The following STX12 variants were observed in gnomAD, a reference collection of about 807,000 sequenced individuals.
STX12 encodes the protein syntaxin-12.
A neutral mutation model predicts 42.2 loss-of-function variants in STX12; 17 were observed. The observed-to-expected ratio is 0.40, with a 90% CI of 0.28 to 0.60. STX12 has a LOEUF of 0.60. STX12 is among the 20% of genes least tolerant of loss of function. The pLI is 0.39. For synonymous variants in STX12, 108 were observed against 116.7 expected (o/e 0.93, Z 0.48); for missense variants, 297 against 330.9 (o/e 0.90, Z 0.79).
At chr1:27,792,926 T>C (rs1337660922) in intron 2 of STX12, among the ~76,000 whole-genome samples, 1 of 152,210 alleles carries the variant, frequency 6.6e-6, no homozygotes, top group Non-Finnish European at 1.5e-5. Flanking sequence ...CCTACTCCTT[T>C]TGTATTTTTA....
chr1:27,802,224 G>A (rs890422597), intron 4 of STX12, among the ~76,000 whole-genome samples: 2 of 152,140 alleles, frequency 1.3e-5, no homozygotes, highest in Non-Finnish European at 2.9e-5. Flanking sequence ...AAAATATTAA[G>A]GTAAAGCCTG....
intron 7 of STX12, among the ~76,000 whole-genome samples, chr1:27,818,543 GACTTCTTTGT>G (rs1291793612): frequency 6.6e-6 from 1 of 152,078 alleles, no homozygotes; most frequent in African/African-American, 2.4e-5. Context: ...CAGTCCCATT[GACTTCTTTGT>G]ACATCTTTGT....
chr1:27,787,541 C>T (rs922569328), intron 1 of STX12, among the ~76,000 whole-genome samples: 2 of 152,068 alleles, frequency 1.3e-5, no homozygotes, highest in Non-Finnish European at 2.9e-5. Context: ...CGCCTGTAAT[C>T]CCAGCTACTC....
intron 3 of STX12, among the ~76,000 whole-genome samples, chr1:27,799,364 T>G (rs2088810492): frequency 6.6e-6 from 1 of 152,186 alleles, no homozygotes; most frequent in African/African-American, 2.4e-5. Flanking sequence ...GTGACCCAGG[T>G]CTCATCACAG....
At chr1:27,795,161 T>G (rs560737701) in intron 3 of STX12, among the ~76,000 whole-genome samples, 23 of 152,182 alleles carry the variant, frequency 1.5e-4, no homozygotes, top group Admixed American at 4.6e-4. Flanking sequence ...ATGAAGTCAT[T>G]TTAGTGTATT....
intron 2 of STX12, among the ~76,000 whole-genome samples, chr1:27,790,795 A>G (rs2088735108): frequency 6.6e-6 from 1 of 151,890 alleles, no homozygotes; most frequent in Non-Finnish European, 1.5e-5. Flanking sequence ...TACAAAAATC[A>G]GCTGGATGTG....
At chr1:27,778,216 G>A (rs1018060978) in intron 1 of STX12, among the ~76,000 whole-genome samples, 18 of 152,230 alleles carry the variant, frequency 1.2e-4, no homozygotes, top group African/African-American at 3.9e-4. Flanking sequence ...AGCTCACTGC[G>A]TGGGTTGTTA....
intron 1 of STX12, among the ~76,000 whole-genome samples, chr1:27,784,369 C>T (rs1463423871): frequency 3.3e-5 from 5 of 151,990 alleles, no homozygotes; most frequent in African/African-American, 7.2e-5. Context: ...TACAAGCATG[C>T]GCCACCATGC....
chr1:27,786,907 G>A (rs1006339242), intron 1 of STX12, among the ~76,000 whole-genome samples: 1 of 152,044 alleles, frequency 6.6e-6, no homozygotes, highest in South Asian at 2.1e-4. Context: ...TAGATAAGAA[G>A]GACATACCAC....
chr1:27,819,774 T>G, intron 8 of STX12, 42 bp downstream of exon 8: 1 of 1,557,954 alleles, frequency 6.4e-7, no homozygotes, highest in Non-Finnish European at 8.8e-7. Flanking sequence ...TGTTGCAGAC[T>G]TTTTAGGCCA....
At chr1:27,783,761 T>C (rs11247685) in intron 1 of STX12, among the ~76,000 whole-genome samples, 26,022 of 152,184 alleles carry the variant, frequency 0.17, 5,940 homozygotes, top group African/African-American at 0.52. Context: ...TTATTTTCCT[T>C]CAAAAAGTTG....
chr1:27,811,037 C>T (rs1035808259), intron 5 of STX12, among the ~76,000 whole-genome samples: 9 of 151,652 alleles, frequency 5.9e-5, no homozygotes, highest in African/African-American at 2.2e-4. Flanking sequence ...AATAAAGAGG[C>T]GTTGGGGCAT....
At chr1:27,804,736 G>A (rs564455867) in intron 4 of STX12, among the ~76,000 whole-genome samples, 30 of 151,866 alleles carry the variant, frequency 2.0e-4, no homozygotes, top group Middle Eastern at 6.8e-3. Context: ...GCTTCAACCC[G>A]GGAGGCGGAG....
At chr1:27,781,691 C>T (rs898981713) in intron 1 of STX12, among the ~76,000 whole-genome samples, 1 of 152,034 alleles carries the variant, frequency 6.6e-6, no homozygotes, top group Non-Finnish European at 1.5e-5. Context: ...ATTATATATT[C>T]TTTAATTAAT....
At chr1:27,781,908 T>A (rs1448216675) in intron 1 of STX12, among the ~76,000 whole-genome samples, 1 of 152,180 alleles carries the variant, frequency 6.6e-6, no homozygotes, top group African/African-American at 2.4e-5. Flanking sequence ...TTTAATTGAG[T>A]GCTTTTATGT....
chr1:27,810,169 TG>T, intron 4 of STX12, 76 bp from the exon 5 acceptor site: 1 of 1,345,640 alleles, frequency 7.4e-7, no homozygotes, highest in Non-Finnish European at 1.1e-6. Flanking sequence ...CTTTATACTG[TG>T]CTAAGGAAGC....
rs768861047 is a variant in STX12, at chr1:27,773,355, G to A, written c.48G>A (p.Gly16=). 8 of 1,612,974 alleles carry A rather than the reference G, an allele frequency of 5.0e-6. No individual in the cohort carries two copies. Among genetic ancestry groups the A allele is most frequent in the South Asian group, 2.2e-5 (2 of 91,020 alleles). Residue 16 remains glycine (G), a synonymous_variant, in exon 1 of 9, where the codon GGG becomes GGA. Transcript: ENST00000373943. Reference sequence around the variant, plus strand: ...TGTACCGGAACCCGGGGCCCTCGGGGCCCCAGCTCCGGGACTTCAGCAGCA... The same window carrying A: ...TGTACCGGAACCCGGGGCCCTCGGGACCCCAGCTCCGGGACTTCAGCAGCA... ...LDMYRNPGPS[G]PQLRDFSSII...
intron 4 of STX12, among the ~76,000 whole-genome samples, chr1:27,809,359 AAGGTT>A (rs1408984067): frequency 1.3e-5 from 2 of 151,806 alleles, no homozygotes; most frequent in Non-Finnish European, 2.9e-5. Context: ...AAAGAAAAGA[AAGGTT>A]AGTTTATGTG....
intron 1 of STX12, among the ~76,000 whole-genome samples, chr1:27,777,805 T>G (rs1372359221): frequency 3.9e-5 from 6 of 152,068 alleles, no homozygotes; most frequent in African/African-American, 1.4e-4. Flanking sequence ...GAGAATTGCT[T>G]GAATCCGGGA....
Sources: gnomAD v4.1 joint callset for allele counts (sites outside exome capture counted in the v4.1 genomes callset) on GRCh38, gnomAD v4.1.1 for gene constraint, MANE v1.5 for transcripts, NCBI Gene and HGNC (gene_info 2026-07-23, HGNC 2026-07-21) for gene names.